The following TMEM132D variants were observed in gnomAD, a reference collection of about 807,000 sequenced individuals.
TMEM132D encodes the protein mature OL transmembrane protein.
A neutral mutation model predicts 62.3 loss-of-function variants in TMEM132D; 21 were observed. The observed-to-expected ratio is 0.34, with a 90% confidence interval of 0.24 to 0.49. The LOEUF (loss-of-function observed/expected upper bound fraction) is 0.49. TMEM132D is among the 20% of genes least tolerant of loss of function. TMEM132D has a pLI of 0.99. For missense variants in TMEM132D, 1,346 were observed against 1,402.8 expected, an observed-to-expected ratio of 0.96 and a Z score of 0.65; for synonymous variants, 621 against 575.6, an observed-to-expected ratio of 1.08 and a Z score of -1.13.
intron 1 of TMEM132D, among the ~76,000 whole-genome samples, chr12:129,769,433 C>T (rs991580805): frequency 2.0e-5 from 3 of 152,156 alleles, no homozygotes; most frequent in East Asian, 1.9e-4. Flanking sequence ...AAAACCTGCC[C>T]CCATGATTCA....
chr12:129,525,536 A>G (rs2137084902), intron 3 of TMEM132D, among the ~76,000 whole-genome samples: 1 of 152,222 alleles, frequency 6.6e-6, no homozygotes, highest in South Asian at 2.1e-4. Flanking sequence ...CATATACTAC[A>G]TGGGTGCTTT....
intron 1 of TMEM132D, among the ~76,000 whole-genome samples, chr12:129,844,996 A>C (rs1269144622): frequency 1.3e-5 from 2 of 152,174 alleles, no homozygotes. Context: ...ATGCAAGTGC[A>C]ATGAGATCCA....
intron 4 of TMEM132D, among the ~76,000 whole-genome samples, chr12:129,325,546 TACA>T (rs1226667082): frequency 2.6e-5 from 4 of 152,114 alleles, no homozygotes; most frequent in Non-Finnish European, 4.4e-5. Flanking sequence ...TTGTGAGAAA[TACA>T]ACAAGTCTCA....
intron 2 of TMEM132D, among the ~76,000 whole-genome samples, chr12:129,639,797 C>G (rs1879595548): frequency 6.6e-6 from 1 of 152,148 alleles, no homozygotes; most frequent in Non-Finnish European, 1.5e-5. Flanking sequence ...AAGTCTGGCT[C>G]GAACCTGCCT....
intron 2 of TMEM132D, among the ~76,000 whole-genome samples, chr12:129,591,616 T>A: frequency 6.6e-6 from 1 of 151,548 alleles, no homozygotes; most frequent in East Asian, 1.9e-4. Context: ...ATTTATCAAG[T>A]GTTTATTCCA....
intron 5 of TMEM132D, among the ~76,000 whole-genome samples, chr12:129,189,688 A>G (rs1013177641): frequency 6.6e-6 from 1 of 152,154 alleles, no homozygotes; most frequent in Non-Finnish European, 1.5e-5. Flanking sequence ...GTTAGTCCAC[A>G]AGGAAGGGTT....
At chr12:129,448,232 C>G (rs1390999851) in intron 3 of TMEM132D, among the ~76,000 whole-genome samples, 1 of 152,040 alleles carries the variant, frequency 6.6e-6, no homozygotes, top group African/African-American at 2.4e-5. Context: ...TTTTTCTTCT[C>G]TTTTCTAAGT....
intron 5 of TMEM132D, among the ~76,000 whole-genome samples, chr12:129,129,270 C>T (rs1876301560): frequency 6.6e-6 from 1 of 152,106 alleles, no homozygotes; most frequent in Non-Finnish European, 1.5e-5. Context: ...TGATAGTTCA[C>T]TTAGGATAAT....
At chr12:129,336,234 G>A (rs1869266661) in intron 4 of TMEM132D, among the ~76,000 whole-genome samples, 1 of 152,140 alleles carries the variant, frequency 6.6e-6, no homozygotes, top group Non-Finnish European at 1.5e-5. Flanking sequence ...CATGTCAAGG[G>A]GGTCTCCACT....
At chr12:129,317,392 C>T (rs1868522809) in intron 4 of TMEM132D, among the ~76,000 whole-genome samples, 2 of 152,254 alleles carry the variant, frequency 1.3e-5, no homozygotes, top group African/African-American at 4.8e-5. Context: ...ATCTTTCCTT[C>T]ATATATGGTG....
At chr12:129,124,400 G>T (rs560351604) in intron 5 of TMEM132D, among the ~76,000 whole-genome samples, 63 of 152,232 alleles carry the variant, frequency 4.1e-4, no homozygotes, top group Non-Finnish European at 8.2e-4. Context: ...TTATATCTGT[G>T]CAGCCCAGTA....
At chr12:129,404,419 A>C (rs1871713579) in intron 3 of TMEM132D, among the ~76,000 whole-genome samples, 1 of 151,918 alleles carries the variant, frequency 6.6e-6, no homozygotes, top group Non-Finnish European at 1.5e-5. Flanking sequence ...CTGGTCTCGA[A>C]CTCCTGACCT....
intron 8 of TMEM132D, 118 bp from the exon 9 acceptor site, chr12:129,075,177 T>TCAAA (rs773628013): frequency 3.9e-6 from 3 of 774,858 alleles, no homozygotes; most frequent in East Asian, 5.3e-5. Flanking sequence ...GACAAACCTT[T>TCAAA]CAAACAGTGT....
intron 1 of TMEM132D, among the ~76,000 whole-genome samples, chr12:129,872,191 T>A (rs1874268652): frequency 6.6e-6 from 1 of 152,232 alleles, no homozygotes; most frequent in Non-Finnish European, 1.5e-5. Flanking sequence ...TAAATTCCTC[T>A]ATTCAGTTGC....
chr12:129,898,542 T>A (rs1875225674), intron 1 of TMEM132D, among the ~76,000 whole-genome samples: 2 of 152,246 alleles, frequency 1.3e-5, no homozygotes, highest in African/African-American at 4.8e-5. Context: ...GGAGATTATG[T>A]GGATCACTTG....
chr12:129,523,277 C>T (rs1593049918), intron 3 of TMEM132D, among the ~76,000 whole-genome samples: 1 of 152,190 alleles, frequency 6.6e-6, no homozygotes, highest in African/African-American at 2.4e-5. Context: ...TGGGAGCTTT[C>T]TCTTTCCTCG....
intron 8 of TMEM132D, among the ~76,000 whole-genome samples, chr12:129,078,219 G>A (rs1346898213): frequency 2.6e-5 from 4 of 152,232 alleles, no homozygotes; most frequent in African/African-American, 9.6e-5. Flanking sequence ...GTGACCACCT[G>A]CATGCACTTG....
chr12:129,082,193 T>A (rs1439764430), intron 6 of TMEM132D, among the ~76,000 whole-genome samples, 161 bp from the exon 7 acceptor site: 1 of 152,112 alleles, frequency 6.6e-6, no homozygotes, highest in Non-Finnish European at 1.5e-5. Context: ...TAACCACTGC[T>A]CTGGCATGAG....
chr12:129,575,630 C>A (rs1640546149), intron 2 of TMEM132D, among the ~76,000 whole-genome samples: 1 of 151,758 alleles, frequency 6.6e-6, no homozygotes, highest in Non-Finnish European at 1.5e-5. Flanking sequence ...GAAACGCGGG[C>A]CTAGTGGTCA....
Sources: allele counts gnomAD v4.1 joint callset (sites outside exome capture counted in the v4.1 genomes callset), GRCh38; gene constraint gnomAD v4.1.1; transcripts MANE v1.5; gene names NCBI Gene and HGNC (gene_info 2026-07-23, HGNC 2026-07-21).